AGGF1: variants seen among roughly 807,000 people sequenced by gnomAD.
The protein encoded by AGGF1 is angiogenic factor with G patch and FHA domains 1.
Under a neutral mutation model 86.5 loss-of-function variants are expected in AGGF1, and 56 were observed. The observed-to-expected ratio is 0.65, with a 90% CI of 0.52 to 0.81. AGGF1 has a LOEUF of 0.81. Among genes scored for constraint, AGGF1 ranks in the 30% least tolerant of loss-of-function variants. The pLI is 0.00. For synonymous variants in AGGF1, 313 were observed against 297.1 expected (o/e 1.05, Z -0.55); for missense variants, 816 against 850.9 (o/e 0.96, Z 0.51).
chr5:77,031,891 G>T (rs148538078), intron 1 of AGGF1, among the ~76,000 whole-genome samples: 1 of 151,918 alleles, frequency 6.6e-6, no homozygotes, highest in Non-Finnish European at 1.5e-5. Context: ...GCGACAGAGT[G>T]CAACTCTGTC....
intron 5 of AGGF1, 93 bp downstream of exon 5, chr5:77,039,812 T>C: frequency 8.9e-7 from 1 of 1,128,564 alleles, no homozygotes; most frequent in African/African-American, 1.6e-5. Context: ...ATTCAATAAC[T>C]CTGCATTTCA....
intron 8 of AGGF1, among the ~76,000 whole-genome samples, chr5:77,049,849 T>A: frequency 6.6e-6 from 1 of 152,070 alleles, no homozygotes; most frequent in Non-Finnish European, 1.5e-5. Context: ...CGCGTCTGGC[T>A]GAGGCTCTTT....
At chr5:77,048,047 G>T (rs1747302706) in intron 6 of AGGF1, 114 bp from the exon 7 acceptor site, 2 of 759,272 alleles carry the variant, frequency 2.6e-6, no homozygotes, top group Admixed American at 1.9e-5. Context: ...GTTTTAGTCA[G>T]AATTAAGATT....
chr5:77,048,017 C>T (rs1191002950), intron 6 of AGGF1, 144 bp from the exon 7 acceptor site: 16 of 676,772 alleles, frequency 2.4e-5, no homozygotes, highest in South Asian at 4.8e-5. Flanking sequence ...GCGTATTATA[C>T]AGCAGAATTT....
Position 77,036,707 on chromosome 5 carries a change from T to A in AGGF1, c.668T>A (p.Phe223Tyr). ...CTGTATTTTGACCACAGCACTGGTT[T>A]CTATTATGATTCTGTAAGTATCTCA... ...TGLYFDHSTGFYYDSENQLYY... is the reference protein window; with the variant it reads ...TGLYFDHSTGYYYDSENQLYY... Residue 223 changes from phenylalanine (F) to tyrosine (Y), a missense_variant, in exon 4 of 14, where the codon TTC becomes TAC. Phe to Tyr is a conservative substitution (Grantham distance 22, BLOSUM62 3). This residue lies in a region of AGGF1 where 565 missense variants were observed against 585.8 expected (regional missense o/e 0.96). Transcript: ENST00000312916. 1 of 1,612,388 alleles carries A rather than the reference T, an allele frequency of 6.2e-7. No individual in the cohort carries two copies. The highest frequency in any genetic ancestry group is 8.5e-7 in the Non-Finnish European group (1 of 1,179,948).
intron 9 of AGGF1, among the ~76,000 whole-genome samples, chr5:77,053,484 A>G (rs567004033): frequency 9.2e-5 from 14 of 152,284 alleles, no homozygotes; most frequent in Admixed American, 4.6e-4. Flanking sequence ...ACGCCATTGC[A>G]CTCCAGCTTG....
chr5:77,047,673 A>G, intron 6 of AGGF1, among the ~76,000 whole-genome samples: 1 of 151,956 alleles, frequency 6.6e-6, no homozygotes, highest in Admixed American at 6.6e-5. Context: ...GTCACCACGC[A>G]CACCCAGCTA....
At chr5:77,040,669 A>G (rs914042329) in intron 5 of AGGF1, among the ~76,000 whole-genome samples, 1 of 152,116 alleles carries the variant, frequency 6.6e-6, no homozygotes, top group Non-Finnish European at 1.5e-5. Context: ...CTTTATTTCT[A>G]CTCTCTAAAC....
intron 1 of AGGF1, among the ~76,000 whole-genome samples, chr5:77,031,921 A>G (rs1367312592): frequency 6.6e-6 from 1 of 151,840 alleles, no homozygotes; most frequent in African/African-American, 2.4e-5. Context: ...AAACCAAAAA[A>G]CCAAGAGCAT....
Position 77,064,154 on chromosome 5 carries a change from GC to G in AGGF1, c.*904del, listed in dbSNP as rs1467894249. The G allele has an allele frequency of 6.6e-6, 1 of 152,608 alleles. No individual in the cohort carries two copies. The highest frequency in any genetic ancestry group is 1.9e-4 in the East Asian group (1 of 5,194). 9.5% of individuals were successfully genotyped at this position (152,608 alleles called of 1,614,324 possible). The stretch of plus-strand genomic sequence containing the variant: ...TTGATCTGCTTTGAATTTTCAAGCA[GC>G]CAGAATTTTCTAGTTTAAATTGGCA... On this transcript the variant is annotated 3_prime_UTR_variant, in exon 14 of 14. Transcript: ENST00000312916.
At chr5:77,058,328 T>C (rs956603429) in intron 11 of AGGF1, among the ~76,000 whole-genome samples, 1 of 152,220 alleles carries the variant, frequency 6.6e-6, no homozygotes, top group Non-Finnish European at 1.5e-5. Context: ...AGCTATTAAA[T>C]TGTAGAGCTA....
intron 9 of AGGF1, among the ~76,000 whole-genome samples, chr5:77,053,054 A>G (rs1417255210): frequency 6.6e-6 from 1 of 152,212 alleles, no homozygotes; most frequent in Non-Finnish European, 1.5e-5. Context: ...TTGTAAAGCT[A>G]TTCAGAGTAA....
At chr5:77,032,774 G>GA (rs1345502052) in intron 1 of AGGF1, among the ~76,000 whole-genome samples, 5 of 152,202 alleles carry the variant, frequency 3.3e-5, no homozygotes, top group Admixed American at 3.3e-4. Flanking sequence ...TAAATGATGG[G>GA]ACTTTGTGAA....
intron 5 of AGGF1, among the ~76,000 whole-genome samples, chr5:77,041,584 A>AG (rs376472377): frequency 0.03 from 4,389 of 148,108 alleles, 97 homozygotes; most frequent in Non-Finnish European, 0.049. Context: ...AAAAAAAAAA[A>AG]AAGAAGAAGG....
Position 77,032,428 on chromosome 5 carries a change from G to T in AGGF1, c.210+1452G>T, listed in dbSNP as rs538084664. The stretch of plus-strand genomic sequence containing the variant: ...TAAAAATACAAAAAAAATTAGCCGA[G>T]CGTGGTGGCGGGCGCCTGTAGTCCC... On this transcript the variant is annotated intron_variant, in intron 1 of 13. Transcript: ENST00000312916. Among the ~76,000 whole-genome samples the T allele has an allele frequency of 2.0e-5, 3 of 151,820 alleles. No homozygotes were observed. In the East Asian group the frequency reaches 5.9e-4, roughly 30 times the overall value.
Position 77,048,091 on chromosome 5 carries a change from C to T in AGGF1, c.1202-70C>T, listed in dbSNP as rs1021460636. On this transcript the variant is annotated intron_variant, in intron 6 of 13. Transcript: ENST00000312916. ...ACACATTTTTATTTTATGGATGCCT[C>T]CTAGTTATCCCTATGAAGTTCTTTT... The T allele has an allele frequency of 7.1e-6, 7 of 983,428 alleles. No individual in the cohort carries two copies. In the African/African-American group the frequency reaches 8.0e-5, roughly 11 times the overall value. The allele number at this position is 983,428 out of a possible 1,614,324, so 60.9% of individuals were successfully genotyped here. A position where few individuals can be genotyped will look rare whatever the true frequency, so the allele number is the denominator to read the frequency against.
At chr5:77,053,197 A>G (rs1747405044) in intron 9 of AGGF1, among the ~76,000 whole-genome samples, 1 of 152,200 alleles carries the variant, frequency 6.6e-6, no homozygotes, top group African/African-American at 2.4e-5. Flanking sequence ...CATCCTCAGC[A>G]TGTAGCAAAG....
At chr5:77,043,528 C>A (rs1373420599) in intron 5 of AGGF1, among the ~76,000 whole-genome samples, 1 of 73,884 alleles carries the variant, frequency 1.4e-5, no homozygotes, top group South Asian at 4.9e-4. Flanking sequence ...GCTGGCCGGG[C>A]GGGGGGCTGA....
At chr5:77,055,484 T>G (rs1319278150) in intron 10 of AGGF1, 30 bp from the exon 11 acceptor site, 1 of 1,447,694 alleles carries the variant, frequency 6.9e-7, no homozygotes, top group East Asian at 2.3e-5. Flanking sequence ...ATTTAGTGGC[T>G]TTTTTTTAAC....
Sources: allele counts gnomAD v4.1 joint callset (sites outside exome capture counted in the v4.1 genomes callset), GRCh38; gene constraint gnomAD v4.1.1; regional missense constraint gnomAD v4.1.1; transcripts MANE v1.5; gene names NCBI Gene and HGNC (gene_info 2026-07-23, HGNC 2026-07-21).